TG: variants seen among roughly 807,000 people sequenced by gnomAD.
TG encodes the protein thyroglobulin.
A neutral mutation model predicts 324.7 loss-of-function variants in TG; 270 were observed. The observed-to-expected ratio is 0.83, with a 90% CI of 0.75 to 0.92. The LOEUF is 0.92. TG is among the 40% of genes least tolerant of loss of function. The pLI is 0.00. For synonymous variants in TG, 1,401 were observed against 1,327.0 expected (o/e 1.06, Z -1.21); for missense variants, 3,591 against 3,456.4 (o/e 1.04, Z -0.98).
In TG at chr8:132,978,072, T is replaced by C. The variant is rs1466752940; in HGVS notation, c.6200-5278T>C. Among the ~76,000 whole-genome samples, 3 of 152,308 alleles carry C rather than the reference T, an allele frequency of 2.0e-5. No individual in the cohort carries two copies. The East Asian group carries it at 5.8e-4, about 29-fold the overall frequency. On this transcript the variant is annotated intron_variant, in intron 34 of 47. Coordinates refer to ENST00000220616, the MANE Select transcript of TG (RefSeq NM_003235.5). The stretch of plus-strand genomic sequence containing the variant: ...AAAGGAGTATCCAAGACTGGGTAAT[T>C]TATAAAGAAAAGAGGTTGATTTGGC...
At chr8:132,912,212 G>A (rs1225585573) in intron 19 of TG, among the ~76,000 whole-genome samples, 1 of 152,196 alleles carries the variant, frequency 6.6e-6, no homozygotes, top group Non-Finnish European at 1.5e-5. Flanking sequence ...TCTCAGGATA[G>A]TAATCCTCTA....
intron 32 of TG, 37 bp downstream of exon 32, chr8:132,969,606 G>C: frequency 1.5e-6 from 2 of 1,344,030 alleles, no homozygotes; most frequent in Non-Finnish European, 1.1e-6. Flanking sequence ...TGTTTATTAT[G>C]AATAATACTT....
At chr8:132,869,975 C>CA in intron 3 of TG, 149 bp downstream of exon 3, 1 of 663,908 alleles carries the variant, frequency 1.5e-6, no homozygotes, top group South Asian at 1.8e-5. Flanking sequence ...TCCCTGCAAG[C>CA]CATGGAAGGC....
At chr8:132,870,823 T>C (rs1050197136) in intron 3 of TG, among the ~76,000 whole-genome samples, 4 of 152,114 alleles carry the variant, frequency 2.6e-5, no homozygotes, top group Admixed American at 2.0e-4. Flanking sequence ...ATTCAGCTCT[T>C]ATGGACACTA....
At chr8:132,888,594 A>ATT in intron 10 of TG, 26 bp downstream of exon 10, 2 of 1,460,038 alleles carry the variant, frequency 1.4e-6, no homozygotes, top group South Asian at 1.2e-5. Flanking sequence ...TGAAGAGTTA[A>ATT]ATGTGTGTGT....
intron 45 of TG, among the ~76,000 whole-genome samples, chr8:133,127,050 G>A (rs1851576654): frequency 2.0e-5 from 3 of 152,134 alleles, no homozygotes; most frequent in African/African-American, 7.2e-5. Flanking sequence ...CATCTGTGCT[G>A]TGCCATCTCC....
At chr8:133,042,263 C>G (rs546207306) in intron 41 of TG, among the ~76,000 whole-genome samples, 1 of 152,296 alleles carries the variant, frequency 6.6e-6, no homozygotes, top group South Asian at 2.1e-4. Context: ...TGGGTTCAGA[C>G]CCCCTGGTCT....
Position 132,967,933 on chromosome 8 carries a change from C to G in TG, c.5826C>G (p.Ile1942Met). Residue 1942 changes from isoleucine to methionine, a missense_variant, in exon 31 of 48, where the codon ATC becomes ATG. Ile to Met is a conservative substitution (Grantham distance 10). Transcript: ENST00000220616. The part of the protein sequence containing the change: ...MESNAQGCRL[I>M]LPQMPKALFR... ...CCAATGCCCAGGGCTGCAGACTGAT[C>G]CTGCCTCAGATGCCAAAGGCCCTGT... is the stretch of plus-strand genomic sequence containing the variant. 6.2e-7 allele frequency: 1 copy of G among 1,613,854 alleles called. No homozygotes were observed. Among genetic ancestry groups the G allele is most frequent in the Non-Finnish European group, 8.5e-7 (1 of 1,179,890 alleles).
chr8:133,087,756 G>T (rs530659190), intron 41 of TG: 1 of 152,162 alleles, frequency 6.6e-6, no homozygotes. Context: ...GATCAAGTCA[G>T]ACTATTCAAA....
Position 133,056,677 on chromosome 8 carries a change from G to A in TG, c.7239+26654G>A, listed in dbSNP as rs187939377. The stretch of plus-strand genomic sequence containing the variant: ...ATGATAATAGGCAGAAGCCTCGTGG[G>A]GCTGTGAGAATCGAGTCTGCATATG... On this transcript the variant is annotated intron_variant, in intron 41 of 47. Transcript: ENST00000220616. Among the ~76,000 whole-genome samples, 32 of 152,326 alleles carry A rather than the reference G, an allele frequency of 2.1e-4. No homozygotes were observed. In the East Asian group the frequency reaches 6.2e-3, roughly 29 times the overall value.
intron 41 of TG, chr8:133,094,562 AC>A (rs1848130026): frequency 4.4e-6 from 1 of 229,724 alleles, no homozygotes; most frequent in Non-Finnish European, 8.8e-6. Context: ...ATTTACCCTT[AC>A]AAAGACTGTG....
intron 35 of TG, among the ~76,000 whole-genome samples, chr8:133,011,319 A>G (rs28582446): frequency 0.52 from 78,792 of 151,614 alleles, 21,805 homozygotes; most frequent in African/African-American, 0.7. Flanking sequence ...TAGATCAAAG[A>G]CAATTCCTAG....
At chr8:133,106,279 G>A in intron 43 of TG, 1 of 384,660 alleles carries the variant, frequency 2.6e-6, no homozygotes, top group Non-Finnish European at 3.6e-6. Context: ...CTTGGGGTTT[G>A]CAGCAGGAGG....
At chr8:133,061,658 C>T (rs946132340) in intron 41 of TG, among the ~76,000 whole-genome samples, 8 of 152,190 alleles carry the variant, frequency 5.3e-5, no homozygotes, top group African/African-American at 7.2e-5. Flanking sequence ...GTCCCCCCAT[C>T]GGCCTCCAGC....
At position 133,125,131 on chromosome 8, in the gene TG, G is replaced by T. The variant is rs2958695; in HGVS notation, c.7863-6681G>T. ...TTTACCTAACGCCGTCTATGCTGCA[G>T]ATCCCCTTCCAGGTCCTAGAAATGA... On this transcript the variant is annotated intron_variant, in intron 45 of 47. Coordinates refer to ENST00000220616, the MANE Select transcript of TG (RefSeq NM_003235.5). Among the ~76,000 whole-genome samples, 159 of 152,328 alleles carry T rather than the reference G, an allele frequency of 1.0e-3. 6 individuals carry two copies. In the South Asian group the frequency reaches 0.031, roughly 30 times the overall value.
chr8:132,883,138 A>G lies in TG; in HGVS notation c.1075+139A>G, dbSNP rs961641250. ...TGGCCCTTCAAGCTCAACCTGTCTG[A>G]GAACCAGTTTATCATCATTAACTTC... On this transcript the variant is annotated intron_variant, in intron 8 of 47. Coordinates refer to ENST00000220616, the MANE Select transcript of TG (RefSeq NM_003235.5). 4.6e-6 allele frequency: 4 copies of G among 863,378 alleles called. No individual in the cohort carries two copies. In the African/African-American group the frequency reaches 6.8e-5, roughly 15 times the overall value. The allele number at this position is 863,378 out of a possible 1,614,324, so 53.5% of individuals were successfully genotyped here.
intron 41 of TG, among the ~76,000 whole-genome samples, chr8:133,072,671 T>C (rs981622852): frequency 6.6e-6 from 1 of 152,252 alleles, no homozygotes; most frequent in Non-Finnish European, 1.5e-5. Context: ...GGCACTGATT[T>C]AGGTGCACTA....
chr8:133,074,423 C>T (rs1362329535), intron 41 of TG, among the ~76,000 whole-genome samples: 7 of 152,156 alleles, frequency 4.6e-5, no homozygotes, highest in Non-Finnish European at 1.0e-4. Context: ...ATGTCAATTT[C>T]TTCACTTTGC....
In TG at chr8:133,134,861, T is replaced by C; in HGVS notation, c.*67T>C. On this transcript the variant is annotated 3_prime_UTR_variant, in exon 48 of 48. Transcript: ENST00000220616. ...ACTATGGTCATCTTTTTCTCTAAAA[T>C]AGCCACTTACCTTCAATAAAGTATC... 8.1e-7 allele frequency: 1 copy of C among 1,237,372 alleles called. No homozygotes were observed. Among genetic ancestry groups the C allele is most frequent in the Non-Finnish European group, 1.2e-6 (1 of 838,500 alleles). 76.6% of individuals were successfully genotyped at this position (1,237,372 alleles called of 1,614,324 possible).
Sources: gnomAD v4.1 joint callset for allele counts (sites outside exome capture counted in the v4.1 genomes callset) on GRCh38, gnomAD v4.1.1 for gene constraint, MANE v1.5 for transcripts, NCBI Gene and HGNC (gene_info 2026-07-23, HGNC 2026-07-21) for gene names.